TRAPPC9: variants seen among roughly 807,000 people sequenced by gnomAD.
The protein encoded by TRAPPC9 is trafficking protein particle complex subunit 9, also known as IKK2 binding protein.
Under a neutral mutation model 124.0 loss-of-function variants are expected in TRAPPC9, and 83 were observed. The ratio of observed to expected loss-of-function variants is 0.67; its 90% CI spans 0.56 to 0.80. The LOEUF is 0.80. TRAPPC9 is among the 30% of genes least tolerant of loss of function. TRAPPC9 has a pLI of 0.00. For synonymous variants in TRAPPC9, 638 were observed against 617.5 expected, an observed-to-expected ratio of 1.03 and a Z score of -0.49; for missense variants, 1,302 against 1,508.3, an observed-to-expected ratio of 0.86 and a Z score of 2.27.
intron 21 of TRAPPC9, among the ~76,000 whole-genome samples, chr8:139,875,275 C>T (rs527579184): frequency 6.6e-6 from 1 of 152,196 alleles, no homozygotes; most frequent in African/African-American, 2.4e-5. Context: ...CTGCCACATT[C>T]CAGGTTTCCT....
At position 140,061,268 on chromosome 8, in the gene TRAPPC9, C is replaced by T. The variant is rs548271028; in HGVS notation, c.2557-37189G>A. 2.6e-4 allele frequency among the ~76,000 whole-genome samples: 37 copies of T among 141,426 alleles called. 1 individual carries two copies. In the South Asian group the frequency reaches 8.8e-3, roughly 34 times the overall value. The allele number at this position is 141,426 out of a possible 152,430, so 92.8% of individuals were successfully genotyped here. ...CACCATGAAAGAGGCAAGGTGTTCACGGGAAGACTGCCATTCCCAAGGCTG... is the reference window on the plus strand; with the variant it reads ...CACCATGAAAGAGGCAAGGTGTTCATGGGAAGACTGCCATTCCCAAGGCTG... On this transcript the variant is annotated intron_variant, in intron 17 of 22. Transcript: ENST00000438773.
At chr8:140,401,482 G>A (rs897846210) in intron 6 of TRAPPC9, among the ~76,000 whole-genome samples, 1 of 152,092 alleles carries the variant, frequency 6.6e-6, no homozygotes, top group Non-Finnish European at 1.5e-5. Flanking sequence ...TTGATTCTAT[G>A]GAAATGCCAT....
intron 21 of TRAPPC9, among the ~76,000 whole-genome samples, chr8:139,754,068 G>A (rs2130248270): frequency 6.6e-6 from 1 of 152,312 alleles, no homozygotes; most frequent in South Asian, 2.1e-4. Flanking sequence ...CATCCAGTGT[G>A]TTCTTAGCTC....
At chr8:140,072,461 T>C (rs1165320843) in intron 17 of TRAPPC9, among the ~76,000 whole-genome samples, 1 of 150,166 alleles carries the variant, frequency 6.7e-6, no homozygotes, top group Non-Finnish European at 1.5e-5. Context: ...GAGCTTGCAG[T>C]GAGCCGAGAC....
chr8:140,067,336 G>C (rs768649062), intron 17 of TRAPPC9, among the ~76,000 whole-genome samples: 1 of 152,064 alleles, frequency 6.6e-6, no homozygotes, highest in South Asian at 2.1e-4. Flanking sequence ...CTAGAGACAG[G>C]GTTTCACCAT....
intron 21 of TRAPPC9, among the ~76,000 whole-genome samples, chr8:139,785,985 T>C (rs1465623827): frequency 3.3e-5 from 5 of 151,962 alleles, no homozygotes; most frequent in African/African-American, 7.3e-5. Flanking sequence ...AGGCAGCGGA[T>C]CACCTGAGGT....
At chr8:140,139,530 C>G (rs1000835540) in intron 17 of TRAPPC9, among the ~76,000 whole-genome samples, 6 of 152,070 alleles carry the variant, frequency 3.9e-5, no homozygotes, top group Admixed American at 6.6e-5. Flanking sequence ...GGAAATAACC[C>G]AAAGGCCCAT....
chr8:140,178,048 G>C (rs908962805), intron 17 of TRAPPC9, among the ~76,000 whole-genome samples: 71 of 151,988 alleles, frequency 4.7e-4, no homozygotes, highest in African/African-American at 1.6e-3. Context: ...AAATTCCTTA[G>C]TATTTTCTAC....
At chr8:140,224,973 G>A (rs1359418940) in intron 16 of TRAPPC9, among the ~76,000 whole-genome samples, 1 of 152,162 alleles carries the variant, frequency 6.6e-6, no homozygotes, top group Non-Finnish European at 1.5e-5. Context: ...ACTTCATCAA[G>A]TCAAATAACC....
At chr8:140,073,728 G>C (rs979498261) in intron 17 of TRAPPC9, among the ~76,000 whole-genome samples, 1 of 152,090 alleles carries the variant, frequency 6.6e-6, no homozygotes, top group South Asian at 2.1e-4. Context: ...TCTCAACACC[G>C]TCACTCAGTA....
chr8:140,454,059 C>T (rs1172303395), intron 1 of TRAPPC9, among the ~76,000 whole-genome samples: 2 of 152,064 alleles, frequency 1.3e-5, no homozygotes, highest in South Asian at 2.1e-4. Context: ...GAGACAGAGG[C>T]GGGAGGATCA....
At chr8:140,440,463 T>C (rs1362312693) in intron 2 of TRAPPC9, among the ~76,000 whole-genome samples, 2 of 151,610 alleles carry the variant, frequency 1.3e-5, no homozygotes, top group East Asian at 3.9e-4. Context: ...GCCGAGATCA[T>C]GCCACTGCAC....
intron 9 of TRAPPC9, among the ~76,000 whole-genome samples, chr8:140,337,850 C>A (rs981021434): frequency 6.6e-6 from 1 of 152,180 alleles, no homozygotes; most frequent in Non-Finnish European, 1.5e-5. Context: ...GCCAAGCAAG[C>A]ACCACGGGCC....
chr8:140,019,542 C>CTTTTTTTTTTTTTTTTTTTTTTTTTTTT (rs71320340), intron 18 of TRAPPC9, among the ~76,000 whole-genome samples: 2 of 43,838 alleles, frequency 4.6e-5, no homozygotes, highest in African/African-American at 9.2e-5. Flanking sequence ...TAATTTGTGT[C>CTTTTTTTTTTTTTTTTTTTTTTTTTTTT]TTTTTTTTTT....
intron 17 of TRAPPC9, among the ~76,000 whole-genome samples, chr8:140,207,092 C>T (rs180728785): frequency 8.5e-5 from 13 of 152,332 alleles, no homozygotes; most frequent in Admixed American, 7.8e-4. Context: ...GTCTCTTCAG[C>T]TCTCAGGAAG....
intron 20 of TRAPPC9, among the ~76,000 whole-genome samples, chr8:139,899,347 A>G (rs1304179734): frequency 2.0e-5 from 3 of 152,292 alleles, no homozygotes; most frequent in South Asian, 2.1e-4. Context: ...TGCATGTTAT[A>G]TGTATTACAT....
At chr8:139,752,530 A>C (rs147561460) in intron 21 of TRAPPC9, among the ~76,000 whole-genome samples, 1 of 150,806 alleles carries the variant, frequency 6.6e-6, no homozygotes, top group Non-Finnish European at 1.5e-5. Context: ...CTACCCATCC[A>C]TCCATCCATC....
At chr8:139,767,783 G>A (rs1820681604) in intron 21 of TRAPPC9, among the ~76,000 whole-genome samples, 1 of 152,236 alleles carries the variant, frequency 6.6e-6, no homozygotes, top group African/African-American at 2.4e-5. Context: ...TGCAGGCTGA[G>A]AGACTGTAGC....
chr8:139,754,151 G>A (rs1323459171), intron 21 of TRAPPC9, among the ~76,000 whole-genome samples: 1 of 152,134 alleles, frequency 6.6e-6, no homozygotes, highest in African/African-American at 2.4e-5. Flanking sequence ...GGCCCCCCCA[G>A]CCTGCTGCTG....
Sources: allele counts gnomAD v4.1 joint callset (sites outside exome capture counted in the v4.1 genomes callset), GRCh38; gene constraint gnomAD v4.1.1; transcripts MANE v1.5; gene names NCBI Gene and HGNC (gene_info 2026-07-23, HGNC 2026-07-21).